The following MKX variants were observed in gnomAD, a reference collection of about 807,000 sequenced individuals.
MKX encodes mohawk homeobox, also known as homeobox protein Mohawk.
In MKX, 13 loss-of-function variants were observed where a neutral mutation model predicts 36.0. The observed-to-expected ratio is 0.36, with a 90% CI of 0.24 to 0.57. MKX has a LOEUF of 0.57. Among genes scored for constraint, MKX ranks in the 20% least tolerant of loss-of-function variants. The pLI is 0.79. For missense variants in MKX, 458 were observed against 456.4 expected (o/e 1.00, Z -0.03); for synonymous variants, 176 against 178.3 (o/e 0.99, Z 0.10).
At chr10:27,727,315 A>G (rs142943169) in intron 5 of MKX, among the ~76,000 whole-genome samples, 2 of 152,340 alleles carry the variant, frequency 1.3e-5, no homozygotes, top group East Asian at 3.9e-4. Context: ...TAACAGAGAA[A>G]AGTGAATGGA....
At chr10:27,685,907 G>C (rs1320549264) in intron 5 of MKX, among the ~76,000 whole-genome samples, 1 of 152,104 alleles carries the variant, frequency 6.6e-6, no homozygotes, top group Admixed American at 6.6e-5. Context: ...TAGAGCTTTT[G>C]AATGAGTAAA....
intron 5 of MKX, among the ~76,000 whole-genome samples, chr10:27,715,802 C>T (rs1008958768): frequency 1.3e-5 from 2 of 152,126 alleles, no homozygotes; most frequent in East Asian, 3.9e-4. Flanking sequence ...TCTCGATTGA[C>T]AGATGGAAAA....
intron 5 of MKX, among the ~76,000 whole-genome samples, chr10:27,697,051 T>C (rs1836568770): frequency 6.6e-6 from 1 of 152,230 alleles, no homozygotes; most frequent in Admixed American, 6.5e-5. Flanking sequence ...ACCAGTATAC[T>C]TGGTATTCTC....
intron 5 of MKX, among the ~76,000 whole-genome samples, chr10:27,688,113 C>A (rs1193644566): frequency 6.6e-6 from 1 of 151,538 alleles, no homozygotes; most frequent in Non-Finnish European, 1.5e-5. Context: ...ATGTGGACCA[C>A]ACGAGTTCAT....
At chr10:27,713,099 G>A (rs1309872119) in intron 5 of MKX, among the ~76,000 whole-genome samples, 1 of 152,108 alleles carries the variant, frequency 6.6e-6, no homozygotes, top group Non-Finnish European at 1.5e-5. Context: ...CTGAATCCAC[G>A]CGATGAGGAA....
At chr10:27,738,061 C>G (rs1344997837) in intron 3 of MKX, among the ~76,000 whole-genome samples, 12 of 151,724 alleles carry the variant, frequency 7.9e-5, no homozygotes, top group Non-Finnish European at 1.6e-4. Context: ...TTTTTTTTAA[C>G]CATATTATAA....
intron 5 of MKX, among the ~76,000 whole-genome samples, chr10:27,731,989 T>C (rs1834639743): frequency 2.1e-5 from 1 of 48,220 alleles, no homozygotes; most frequent in African/African-American, 3.9e-5. Context: ...AATGTATTTG[T>C]CATTTTTTTT....
intron 5 of MKX, among the ~76,000 whole-genome samples, chr10:27,689,779 A>G (rs1249258559): frequency 6.6e-6 from 1 of 152,126 alleles, no homozygotes; most frequent in Non-Finnish European, 1.5e-5. Context: ...CAAACCAAGA[A>G]GAAAGGTAGC....
chr10:27,700,882 C>A (rs780465675), intron 5 of MKX, among the ~76,000 whole-genome samples: 1 of 152,116 alleles, frequency 6.6e-6, no homozygotes, highest in Non-Finnish European at 1.5e-5. Flanking sequence ...TTTTCCCCTA[C>A]CAAAATTAAC....
At chr10:27,681,006 C>T (rs1836244214) in intron 5 of MKX, among the ~76,000 whole-genome samples, 1 of 152,184 alleles carries the variant, frequency 6.6e-6, no homozygotes, top group Admixed American at 6.5e-5. Context: ...TGTGCGCCAC[C>T]TAACGATAAT....
intron 5 of MKX, among the ~76,000 whole-genome samples, chr10:27,731,487 A>G (rs1796678427): frequency 6.6e-6 from 1 of 152,176 alleles, no homozygotes; most frequent in Non-Finnish European, 1.5e-5. Flanking sequence ...AAAGACAGCC[A>G]TTGATTGTTT....
At chr10:27,739,755 G>C (rs1377617004) in intron 3 of MKX, among the ~76,000 whole-genome samples, 1 of 152,050 alleles carries the variant, frequency 6.6e-6, no homozygotes, top group Non-Finnish European at 1.5e-5. Flanking sequence ...TAAATATGAA[G>C]CTCTATAATC....
Position 27,712,611 on chromosome 10 carries a change from G to C in MKX, c.838+21845C>G, listed in dbSNP as rs574155818. The stretch of plus-strand genomic sequence containing the variant: ...AGAGTCCCATGTCGGGGTGGCCAAA[G>C]GGCACTAAAGAATGAAGACAAGTAG... On this transcript the variant is annotated intron_variant, in intron 5 of 6. Transcript: ENST00000419761. 9.9e-4 allele frequency among the ~76,000 whole-genome samples: 150 copies of C among 152,254 alleles called. 1 individual carries two copies. The highest frequency in any genetic ancestry group is 3.3e-3 in the African/African-American group (139 of 41,550).
At chr10:27,717,713 G>C (rs1188471742) in intron 5 of MKX, among the ~76,000 whole-genome samples, 1 of 152,200 alleles carries the variant, frequency 6.6e-6, no homozygotes, top group Admixed American at 6.5e-5. Flanking sequence ...ATTAGGTCTG[G>C]ATATTTGCTG....
intron 5 of MKX, among the ~76,000 whole-genome samples, chr10:27,675,888 G>A (rs1836137969): frequency 6.6e-6 from 1 of 152,178 alleles, no homozygotes; most frequent in Non-Finnish European, 1.5e-5. Flanking sequence ...GCCAGGTTCT[G>A]GCCTTGCCCT....
At position 27,711,499 on chromosome 10, in the gene MKX, T is replaced by TCTCTCCC. The variant is rs1554772224; in HGVS notation, c.838+22956_838+22957insGGGAGAG. 1.8e-3 allele frequency among the ~76,000 whole-genome samples: 167 copies of TCTCTCCC among 93,046 alleles called. 6 individuals are homozygous for TCTCTCCC. Among genetic ancestry groups the TCTCTCCC allele is most frequent in the African/African-American group, 7.7e-3 (148 of 19,286 alleles). 61.0% of individuals were successfully genotyped at this position (93,046 alleles called of 152,430 possible). A position where few individuals can be genotyped will look rare whatever the true frequency, so the allele number is the denominator to read the frequency against. On this transcript the variant is annotated intron_variant, in intron 5 of 6. Coordinates refer to ENST00000419761, the MANE Select transcript of MKX (RefSeq NM_173576.3). ...TCTTTCTTTCTCTCTCTCTCTCTTCTTTCCTTCCTTCCTTCCTTCCTTCCT... is the reference window on the plus strand; with the variant it reads ...TCTTTCTTTCTCTCTCTCTCTCTTCTCTCTCCCTTCCTTCCTTCCTTCCTTCCTTCCT...
intron 5 of MKX, among the ~76,000 whole-genome samples, chr10:27,691,012 T>A (rs1162658098): frequency 6.6e-6 from 1 of 152,182 alleles, no homozygotes; most frequent in African/African-American, 2.4e-5. Context: ...TGCTGCCTTG[T>A]GAAGAAGGTG....
intron 5 of MKX, among the ~76,000 whole-genome samples, chr10:27,685,234 T>TAC: frequency 4.6e-5 from 1 of 21,742 alleles, no homozygotes; most frequent in African/African-American, 8.9e-5. Flanking sequence ...TAATGCATTG[T>TAC]ATATGAAAGC....
intron 5 of MKX, among the ~76,000 whole-genome samples, chr10:27,727,193 T>C (rs1316405318): frequency 2.0e-5 from 3 of 152,258 alleles, no homozygotes; most frequent in Non-Finnish European, 2.9e-5. Flanking sequence ...GTACAGTTTC[T>C]AGGCTAAACT....
Sources: gnomAD v4.1 joint callset for allele counts (sites outside exome capture counted in the v4.1 genomes callset) on GRCh38, gnomAD v4.1.1 for gene constraint, MANE v1.5 for transcripts, NCBI Gene and HGNC (gene_info 2026-07-23, HGNC 2026-07-21) for gene names.